The following ULK1 variants were observed in gnomAD, a reference collection of about 807,000 sequenced individuals.
ULK1 encodes unc-51 like autophagy activating kinase 1.
In ULK1, 48 loss-of-function variants were observed where a neutral mutation model predicts 117.5. The observed-to-expected ratio is 0.41, with a 90% CI of 0.32 to 0.52. ULK1 has a LOEUF of 0.52. ULK1 is among the 20% of genes least tolerant of loss of function. The pLI is 0.29. For missense variants in ULK1, 1,387 were observed against 1,473.4 expected (o/e 0.94, Z 0.96); for synonymous variants, 790 against 637.8 (o/e 1.24, Z -3.60).
At chr12:131,907,775 A>G (rs1889335017) in intron 5 of ULK1, among the ~76,000 whole-genome samples, 1 of 152,104 alleles carries the variant, frequency 6.6e-6, no homozygotes, top group Non-Finnish European at 1.5e-5. Context: ...TGTGACCAGA[A>G]TAGCCCGAGG....
intron 3 of ULK1, chr12:131,898,115 C>G (rs1282427685): frequency 6.6e-6 from 1 of 152,256 alleles, no homozygotes; most frequent in African/African-American, 2.4e-5. Flanking sequence ...AGGGAGTGCT[C>G]TCGGGTTGGA....
chr12:131,918,381 G>C, intron 22 of ULK1, 116 bp from the exon 23 acceptor site: 1 of 1,262,628 alleles, frequency 7.9e-7, no homozygotes, highest in East Asian at 2.6e-5. Flanking sequence ...GATATAACAG[G>C]TGTAAACCGA....
intron 23 of ULK1, 64 bp from the exon 24 acceptor site, chr12:131,919,148 G>A: frequency 1.3e-6 from 2 of 1,523,476 alleles, no homozygotes; most frequent in Non-Finnish European, 1.8e-6. Flanking sequence ...CGGTGAGTCT[G>A]AAGGGAGACA....
chr12:131,900,838 CTG>C (rs750704501), intron 3 of ULK1, among the ~76,000 whole-genome samples: 18 of 152,176 alleles, frequency 1.2e-4, no homozygotes, highest in Non-Finnish European at 2.4e-4. Flanking sequence ...CAGCATGAGA[CTG>C]TAACTCCCCA....
rs1254098632 is a variant in ULK1, at chr12:131,917,540, CCAGGATGTTCT to C, written c.2317_2326+1del. On this transcript the variant is annotated frameshift_variant, in exon 22 of 28. Transcript: ENST00000321867. LOFTEE classifies it high-confidence loss of function. ...AGCACGCCCCCCCAGGGCCCCCGCA[CCAGGATGTTCT>C]CAGGTGAGGGCTGGCTAGGCTGAAG... The C allele has an allele frequency of 7.0e-7, 1 of 1,437,450 alleles. No homozygotes were observed. Among genetic ancestry groups the C allele is most frequent in the African/African-American group, 1.5e-5 (1 of 67,928 alleles). The allele number at this position is 1,437,450 out of a possible 1,614,324, so 89.0% of individuals were successfully genotyped here. A position where few individuals can be genotyped will look rare whatever the true frequency, so the allele number is the denominator to read the frequency against.
In ULK1 at chr12:131,921,621, C is replaced by A; in HGVS notation, c.*260C>A. ...AATTTCTGCCCCTCCAGCTGCCTGG[C>A]TCAGCAGGCGTGGGTGCCACCACCC... is the stretch of plus-strand genomic sequence containing the variant. On this transcript the variant is annotated 3_prime_UTR_variant, in exon 28 of 28. Transcript: ENST00000321867. The A allele has an allele frequency of 6.4e-6, 4 of 627,998 alleles. No homozygotes were observed. Among genetic ancestry groups the A allele is most frequent in the South Asian group, 5.7e-5 (3 of 52,216 alleles). 38.9% of individuals were successfully genotyped at this position (627,998 alleles called of 1,614,324 possible).
At chr12:131,918,338 G>C in intron 22 of ULK1, 159 bp from the exon 23 acceptor site, 2 of 874,304 alleles carry the variant, frequency 2.3e-6, no homozygotes, top group Non-Finnish European at 3.4e-6. Context: ...GTGGCTCTAG[G>C]GGCCTGCTGT....
At chr12:131,916,295 C>T in intron 19 of ULK1, 103 bp from the exon 20 acceptor site, 1 of 1,511,058 alleles carries the variant, frequency 6.6e-7, no homozygotes, top group Non-Finnish European at 8.9e-7. Flanking sequence ...CAGGCTGCTC[C>T]CACATGCCTG....
rs538260523 is a variant in ULK1, at chr12:131,917,453, G to C, written c.2225G>C (p.Arg742Pro). 1 of 1,532,640 alleles carries C rather than the reference G, an allele frequency of 6.5e-7. No homozygotes were observed. 94.9% of individuals were successfully genotyped at this position (1,532,640 alleles called of 1,614,324 possible). A position where few individuals can be genotyped will look rare whatever the true frequency, so the allele number is the denominator to read the frequency against. Residue 742 changes from arginine (R) to proline (P), a missense_variant, in exon 22 of 28, where the codon CGT (arginine) becomes CCT (proline). This residue lies in a region of ULK1 where 900 missense variants were observed against 858.9 expected (regional missense o/e 1.05). Coordinates refer to ENST00000321867, the MANE Select transcript of ULK1 (RefSeq NM_003565.4). The stretch of plus-strand genomic sequence containing the variant: ...GGAGGGAGCCTGCACCCAGGAGCCC[G>C]TGCTGGGGGCACCAGCAGCCCTTCC... Reference protein sequence around the residue: ...GFGGSLHPGARAGGTSSPSPV... With the variant: ...GFGGSLHPGAPAGGTSSPSPV...
In ULK1 at chr12:131,910,443, C is replaced by T. The variant is rs539839133; in HGVS notation, c.859+139C>T. On this transcript the variant is annotated intron_variant, in intron 11 of 27. Coordinates refer to ENST00000321867, the MANE Select transcript of ULK1 (RefSeq NM_003565.4). Reference sequence around the variant, plus strand: ...CAGCTCCCAGGGAGGGCAGGACACCCGGCTCCTTGCTCTGCTGCAGCGGGG... The same window carrying T: ...CAGCTCCCAGGGAGGGCAGGACACCTGGCTCCTTGCTCTGCTGCAGCGGGG... 3.4e-5 allele frequency: 47 copies of T among 1,382,874 alleles called. No homozygotes were observed. The East Asian group carries it at 3.7e-4, about 11-fold the overall frequency. 85.7% of individuals were successfully genotyped at this position (1,382,874 alleles called of 1,614,324 possible). A position where few individuals can be genotyped will look rare whatever the true frequency, so the allele number is the denominator to read the frequency against.
At chr12:131,895,719 G>C in intron 2 of ULK1, 26 bp downstream of exon 2, 1 of 1,612,194 alleles carries the variant, frequency 6.2e-7, no homozygotes, top group Non-Finnish European at 8.5e-7. Flanking sequence ...GGGAGGGGGC[G>C]TGGGCGTGGG....
intron 20 of ULK1, 27 bp downstream of exon 20, chr12:131,916,618 G>C (rs149122158): frequency 1.4e-5 from 21 of 1,521,062 alleles, no homozygotes; most frequent in Non-Finnish European, 1.6e-5. Flanking sequence ...GGCCTTGGAC[G>C]GGCTTCTGAG....
chr12:131,913,543 G>T (rs1331177273), intron 14 of ULK1, among the ~76,000 whole-genome samples: 1 of 151,862 alleles, frequency 6.6e-6, no homozygotes, highest in Non-Finnish European at 1.5e-5. Context: ...ACAAAAAAAA[G>T]AAATGCAAAA....
intron 5 of ULK1, 170 bp from the exon 6 acceptor site, chr12:131,908,474 G>T: frequency 6.8e-6 from 5 of 729,946 alleles, no homozygotes; most frequent in South Asian, 2.4e-5. Context: ...GGTGCGCCCT[G>T]GTCTCGGCGG....
rs763473156 is a variant in ULK1, at chr12:131,908,876, T to C, written c.491-22T>C. 1.9e-6 allele frequency: 3 copies of C among 1,608,568 alleles called. No individual in the cohort carries two copies. In the Admixed American group the frequency reaches 5.0e-5, roughly 27 times the overall value. On this transcript the variant is annotated intron_variant, in intron 6 of 27. Transcript: ENST00000321867. ...GGAGGGGCTCCGGGGCCGGCGCCGGTCCTGACGCTTCTCTCCCGCAGCTGA... is the reference window on the plus strand; with the variant it reads ...GGAGGGGCTCCGGGGCCGGCGCCGGCCCTGACGCTTCTCTCCCGCAGCTGA...
Position 131,914,348 on chromosome 12 carries a change from A to G in ULK1, c.1248-4A>G. The G allele has an allele frequency of 6.2e-7, 1 of 1,609,138 alleles. No individual in the cohort carries two copies. The highest frequency in any genetic ancestry group is 8.5e-7 in the Non-Finnish European group (1 of 1,179,850). The stretch of plus-strand genomic sequence containing the variant: ...GTCATGATCCTGACCTCTCTCCACC[A>G]CAGCCGGGCTGGCCCGTTCTCCAGC... On this transcript the variant is annotated splice_region_variant and splice_polypyrimidine_tract_variant and intron_variant, in intron 15 of 27. Transcript: ENST00000321867.
In ULK1 at chr12:131,915,470, CT is replaced by C; in HGVS notation, c.1609+50del. 1.9e-6 allele frequency: 3 copies of C among 1,586,300 alleles called. No homozygotes were observed. The South Asian group carries it at 3.3e-5, about 18-fold the overall frequency. On this transcript the variant is annotated intron_variant, in intron 18 of 27. Transcript: ENST00000321867. The stretch of plus-strand genomic sequence containing the variant: ...GGGGGTGCTAGGCTGACCTCCCTCG[CT>C]CACGTTGTCATCCTGGTCTAAAGCC...
At chr12:131,905,275 C>T (rs533850218) in intron 3 of ULK1, among the ~76,000 whole-genome samples, 4 of 152,278 alleles carry the variant, frequency 2.6e-5, no homozygotes, top group African/African-American at 9.6e-5. Flanking sequence ...CTCTGGGACA[C>T]GGGCTTCTCA....
In ULK1 at chr12:131,918,641, C is replaced by T. The variant is rs1334815225; in HGVS notation, c.2471C>T (p.Thr824Ile). ...ACTGCGAACCTGGAGGGGGCTGTGA[C>T]CTTCGAGGCCCCCGACCTCCCTGAG... ...PITANLEGAV[T>I]FEAPDLPEET... is the part of the protein sequence containing the mutation. The change falls in exon 23 of 28, where the codon ACC becomes ATC. Residue 824 changes from threonine to isoleucine, a missense_variant. By Grantham distance (89) the Thr-to-Ile change is moderately conservative. This residue lies in a region of ULK1 where 900 missense variants were observed against 858.9 expected (regional missense o/e 1.05). Coordinates refer to ENST00000321867, the MANE Select transcript of ULK1 (RefSeq NM_003565.4). 2 of 1,608,876 alleles carry T rather than the reference C, an allele frequency of 1.2e-6. No homozygotes were observed. The highest frequency in any genetic ancestry group is 1.7e-6 in the Non-Finnish European group (2 of 1,178,320).
Sources: gnomAD v4.1 joint callset for allele counts (sites outside exome capture counted in the v4.1 genomes callset) on GRCh38, gnomAD v4.1.1 for gene constraint, gnomAD v4.1.1 regional missense constraint, MANE v1.5 for transcripts, NCBI Gene and HGNC (gene_info 2026-07-23, HGNC 2026-07-21) for gene names.